Variants in TBXAS1 observed in about 807,000 individuals in gnomAD.
The protein encoded by TBXAS1 is thromboxane A synthase 1, also known as thromboxane-A synthase.
Under a neutral mutation model 60.7 loss-of-function variants are expected in TBXAS1, and 48 were observed. The observed-to-expected ratio is 0.79, with a 90% confidence interval of 0.63 to 1.01. The LOEUF (loss-of-function observed/expected upper bound fraction) is 1.01, where lower values mean the gene tolerates loss of function less well. TBXAS1 is among the 50% of genes least tolerant of loss of function. The probability of loss-of-function intolerance (pLI) is 0.00; values close to 1 mark genes in which losing one functional copy is unlikely to be tolerated. For synonymous variants in TBXAS1, 287 were observed against 269.7 expected (o/e 1.06, Z -0.63); for missense variants, 685 against 686.3 (o/e 1.00, Z 0.02).
At chr7:139,798,000 G>A (rs1194270134) in intron 4 of TBXAS1, among the ~76,000 whole-genome samples, 3 of 152,180 alleles carry the variant, frequency 2.0e-5, no homozygotes, top group Non-Finnish European at 4.4e-5. Context: ...CCTGGGGGTC[G>A]CCATTGTGTA....
At chr7:139,928,079 A>G (rs1368770464) in intron 4 of TBXAS1, among the ~76,000 whole-genome samples, 1 of 152,220 alleles carries the variant, frequency 6.6e-6, no homozygotes, top group Non-Finnish European at 1.5e-5. Flanking sequence ...CCAGCCTCAG[A>G]AAGTGTTAAC....
intron 5 of TBXAS1, among the ~76,000 whole-genome samples, chr7:139,951,862 AGAAGGAAGGAAGGAAGGAAAGAAG>A (rs1809336627): frequency 1.0e-4 from 13 of 129,086 alleles, no homozygotes; most frequent in South Asian, 7.5e-4. Flanking sequence ...AAGGAAGGAA[AGAAGGAAGGAAGGAAGGAAAGAAG>A]GAAGGAAGGA....
chr7:139,940,917 C>A (rs1339788291), intron 5 of TBXAS1, among the ~76,000 whole-genome samples: 1 of 152,070 alleles, frequency 6.6e-6, no homozygotes, highest in Non-Finnish European at 1.5e-5. Flanking sequence ...GGAAATAATT[C>A]TATCAAGAAA....
At chr7:139,877,611 C>T (rs767176509) in intron 3 of TBXAS1, among the ~76,000 whole-genome samples, 63 of 152,014 alleles carry the variant, frequency 4.1e-4, no homozygotes, top group Non-Finnish European at 7.5e-4. Context: ...TTAGTAGAGA[C>T]GGGATTTTGC....
At chr7:139,817,314 T>C (rs1317707266) in intron 4 of TBXAS1, among the ~76,000 whole-genome samples, 1 of 151,914 alleles carries the variant, frequency 6.6e-6, no homozygotes, top group East Asian at 1.9e-4. Flanking sequence ...GCTGCCCACC[T>C]GTACATGCAT....
In TBXAS1 at chr7:139,984,614, A is replaced by AAGAGAG. The variant is rs748137753; in HGVS notation, c.1134+22405_1134+22410dup. ...ATCAAAAATAAAAAAATAAGAAAGA[A>AAGAGAG]AGAGAGAGAGAGAGAGAGAGAGAGA... On this transcript the variant is annotated intron_variant, in intron 9 of 12. Transcript: ENST00000448866. Among the ~76,000 whole-genome samples the AAGAGAG allele has an allele frequency of 6.1e-4, 40 of 65,614 alleles. 1 individual carries two copies. The highest frequency in any genetic ancestry group is 1.9e-3 in the African/African-American group (37 of 19,334). 43.0% of individuals were successfully genotyped at this position (65,614 alleles called of 152,430 possible).
intron 5 of TBXAS1, among the ~76,000 whole-genome samples, chr7:139,939,448 A>G (rs1042991473): frequency 6.6e-6 from 1 of 151,326 alleles, no homozygotes; most frequent in Admixed American, 6.6e-5. Context: ...TACACTATCA[A>G]TAACCTTGAA....
At chr7:139,994,516 G>T (rs985351042) in intron 9 of TBXAS1, among the ~76,000 whole-genome samples, 1 of 152,064 alleles carries the variant, frequency 6.6e-6, no homozygotes, top group African/African-American at 2.4e-5. Flanking sequence ...GGCAAAGGAG[G>T]CTTTTTTTTT....
chr7:139,866,579 C>A (rs1477955780), intron 1 of TBXAS1, among the ~76,000 whole-genome samples: 6 of 146,472 alleles, frequency 4.1e-5, no homozygotes, highest in African/African-American at 1.3e-4. Context: ...CATAGTGAGA[C>A]CCTGTTTCTA....
Position 139,911,238 on chromosome 7 carries a change from C to T in TBXAS1, c.250C>T (p.Arg84Cys), listed in dbSNP as rs761127128. ...TATTCCTCCCAGGTACTATCTTGGT[C>T]GTCGGATGTTTATTGTTATTTCTGA... is the stretch of plus-strand genomic sequence containing the variant. Reference protein sequence around the residue: ...YGPLCGYYLGRRMFIVISEPD... With the variant: ...YGPLCGYYLGCRMFIVISEPD... The change falls in exon 4 of 13, where the codon CGT becomes TGT. Residue 84 changes from arginine to cysteine, a missense_variant. Coordinates refer to ENST00000448866, the MANE Select transcript of TBXAS1 (RefSeq NM_001061.7). The T allele has an allele frequency of 1.6e-5, 26 of 1,614,034 alleles. No individual in the cohort carries two copies. In the East Asian group the frequency reaches 4.5e-4, roughly 28 times the overall value.
Position 139,956,325 on chromosome 7 carries a change from T to C in TBXAS1, c.688+718T>C, listed in dbSNP as rs182478209. Among the ~76,000 whole-genome samples, 240 of 152,232 alleles carry C rather than the reference T, an allele frequency of 1.6e-3. 1 individual carries two copies. The highest frequency in any genetic ancestry group is 3.0e-3 in the Non-Finnish European group (203 of 67,996). Reference sequence around the variant, plus strand: ...TCACGACCAGCTAATTTTGTATTTTTAGTAGAGAAGGGGTTTCTCCATGTC... The same window carrying C: ...TCACGACCAGCTAATTTTGTATTTTCAGTAGAGAAGGGGTTTCTCCATGTC... On this transcript the variant is annotated intron_variant, in intron 7 of 12. Coordinates refer to ENST00000448866, the MANE Select transcript of TBXAS1 (RefSeq NM_001061.7).
chr7:139,915,158 C>T (rs1386517614), intron 4 of TBXAS1, among the ~76,000 whole-genome samples: 2 of 152,120 alleles, frequency 1.3e-5, no homozygotes, highest in Admixed American at 6.5e-5. Context: ...GTAAAACAAC[C>T]CTTAGTGACT....
intron 4 of TBXAS1, among the ~76,000 whole-genome samples, chr7:139,932,261 A>G (rs1310395255): frequency 6.6e-6 from 1 of 152,058 alleles, no homozygotes; most frequent in African/African-American, 2.4e-5. Flanking sequence ...AAACTAATAG[A>G]AAAAAGAGTG....
At chr7:140,007,061 C>T (rs1225730439) in intron 9 of TBXAS1, 30 bp from the exon 10 acceptor site, 15 of 1,599,216 alleles carry the variant, frequency 9.4e-6, no homozygotes, top group Admixed American at 1.7e-5. Context: ...CTAACACGAA[C>T]TTCTCCCTTT....
At chr7:140,007,248 CA>C in intron 10 of TBXAS1, 66 bp downstream of exon 10, 1 of 1,414,680 alleles carries the variant, frequency 7.1e-7, no homozygotes, top group Non-Finnish European at 1.0e-6. Flanking sequence ...CCCCAGCCTG[CA>C]GGTCAGGGCC....
chr7:139,955,260 C>G (rs551149220), intron 6 of TBXAS1, among the ~76,000 whole-genome samples, 199 bp from the exon 7 acceptor site: 1 of 152,134 alleles, frequency 6.6e-6, no homozygotes, highest in Admixed American at 6.5e-5. Flanking sequence ...CACCCTCTGC[C>G]GTCACTGCTC....
At chr7:139,968,350 A>T (rs986252202) in intron 9 of TBXAS1, among the ~76,000 whole-genome samples, 2 of 152,180 alleles carry the variant, frequency 1.3e-5, no homozygotes, top group African/African-American at 4.8e-5. Flanking sequence ...GCTGGTGTGC[A>T]GTGGTGCAAT....
At chr7:139,952,671 G>A in intron 5 of TBXAS1, 1 of 1,535,240 alleles carries the variant, frequency 6.5e-7, no homozygotes, top group Non-Finnish European at 8.7e-7. Context: ...TCTCCATTAT[G>A]CCACTCTACC....
rs748539010 is a variant in TBXAS1 at position 139,829,387 on chromosome 7, A to G, written c.-4A>G. On this transcript the variant is annotated 5_prime_UTR_variant, in exon 1 of 13. Coordinates refer to ENST00000448866, the MANE Select transcript of TBXAS1 (RefSeq NM_001061.7). ...GACCACCACTCTGGGGTCTCAGAGG[A>G]ATGATGGAAGCCTTGGGGTTTCTAA... 6.2e-6 allele frequency: 10 copies of G among 1,613,336 alleles called. No individual in the cohort carries two copies. In the South Asian group the frequency reaches 8.8e-5, roughly 14 times the overall value.
Sources: gnomAD v4.1 joint callset for allele counts (sites outside exome capture counted in the v4.1 genomes callset) on GRCh38, gnomAD v4.1.1 for gene constraint, MANE v1.5 for transcripts, NCBI Gene and HGNC (gene_info 2026-07-23, HGNC 2026-07-21) for gene names.